Variants in CRACR2A observed in about 807,000 individuals in gnomAD.
CRACR2A encodes the protein calcium release activated channel regulator 2A.
A neutral mutation model predicts 90.5 loss-of-function variants in CRACR2A; 79 were observed. That is an observed-to-expected ratio of 0.87 (90% CI 0.73 to 1.05). The LOEUF (loss-of-function observed/expected upper bound fraction) is 1.05, where lower values mean the gene tolerates loss of function less well. Among genes scored for constraint, CRACR2A ranks in the 50% least tolerant of loss-of-function variants. CRACR2A has a pLI of 0.00. For missense variants in CRACR2A, 823 were observed against 897.2 expected (o/e 0.92, Z 1.06); for synonymous variants, 338 against 356.7 (o/e 0.95, Z 0.59).
In CRACR2A at chr12:3,680,271, A is replaced by G. The variant is rs1479948958; in HGVS notation, c.307T>C (p.Tyr103His). The G allele has an allele frequency of 6.2e-7, 1 of 1,614,210 alleles. No homozygotes were observed. Among genetic ancestry groups the G allele is most frequent in the South Asian group, 1.1e-5 (1 of 91,086 alleles). Reference sequence around the variant, plus strand: ...GTAGTGAACTCCTGTGGGGTCAGATAGCCATTGCCATCAGCATCCAGGGCA... The same window carrying G: ...GTAGTGAACTCCTGTGGGGTCAGATGGCCATTGCCATCAGCATCCAGGGCA... ...FDALDADGNGYLTPQEFTTGF... is the reference protein window; with the variant it reads ...FDALDADGNGHLTPQEFTTGF... Residue 103 changes from tyrosine (Y) to histidine (H), a missense_variant, in exon 5 of 20, where the codon TAT becomes CAT. Tyr to His is a moderately conservative substitution (Grantham distance 83). Coordinates refer to ENST00000440314, the MANE Select transcript of CRACR2A (RefSeq NM_001144958.2).
At chr12:3,717,682 CATT>C (rs1478586297) in intron 2 of CRACR2A, among the ~76,000 whole-genome samples, 1 of 152,226 alleles carries the variant, frequency 6.6e-6, no homozygotes, top group East Asian at 1.9e-4. Context: ...AATACACCTA[CATT>C]ATTATACGGC....
intron 2 of CRACR2A, among the ~76,000 whole-genome samples, chr12:3,713,837 G>A (rs956045312): frequency 6.6e-6 from 1 of 152,206 alleles, no homozygotes; most frequent in African/African-American, 2.4e-5. Context: ...CGATGGAGGA[G>A]GGACAGGCTT....
At chr12:3,713,561 T>C (rs997057078) in intron 2 of CRACR2A, among the ~76,000 whole-genome samples, 2 of 152,182 alleles carry the variant, frequency 1.3e-5, no homozygotes, top group Non-Finnish European at 2.9e-5. Context: ...TCCAGCCTGA[T>C]GGGAGCAGGC....
At chr12:3,621,255 G>A (rs147109144) in intron 17 of CRACR2A, among the ~76,000 whole-genome samples, 285 of 152,188 alleles carry the variant, frequency 1.9e-3, no homozygotes, top group African/African-American at 6.5e-3. Flanking sequence ...CTGTTTCCTC[G>A]CTTGCAGAGG....
intron 14 of CRACR2A, among the ~76,000 whole-genome samples, chr12:3,635,300 G>A (rs914193822): frequency 3.3e-5 from 5 of 152,184 alleles, no homozygotes; most frequent in East Asian, 1.9e-4. Flanking sequence ...GGATTGCGGG[G>A]AGGGGGCTGG....
chr12:3,710,513 G>A (rs1445349752), intron 3 of CRACR2A, among the ~76,000 whole-genome samples: 2 of 152,122 alleles, frequency 1.3e-5, no homozygotes, highest in Non-Finnish European at 2.9e-5. Flanking sequence ...ATGGGAAGTT[G>A]GCCGGGCGCA....
chr12:3,678,413 T>A (rs199870918), intron 6 of CRACR2A, among the ~76,000 whole-genome samples: 2 of 152,188 alleles, frequency 1.3e-5, no homozygotes, highest in Non-Finnish European at 2.9e-5. Flanking sequence ...CGTGTGCAAA[T>A]GCTTCCACAT....
chr12:3,724,058 T>A (rs1946224449), intron 2 of CRACR2A, among the ~76,000 whole-genome samples: 1 of 152,152 alleles, frequency 6.6e-6, no homozygotes, highest in African/African-American at 2.4e-5. Flanking sequence ...CCCATCTGTT[T>A]CCTCCTGTCT....
intron 2 of CRACR2A, chr12:3,727,913 C>G (rs1946297330): frequency 6.6e-6 from 1 of 152,174 alleles, no homozygotes; most frequent in African/African-American, 2.4e-5. Context: ...GAATACTGAT[C>G]AAGTGTAACC....
At chr12:3,640,475 A>G in intron 13 of CRACR2A, 1 of 1,166,524 alleles carries the variant, frequency 8.6e-7, no homozygotes, top group Non-Finnish European at 1.1e-6. Flanking sequence ...ACTCAAAAGA[A>G]TGTCTGGTAC....
At chr12:3,641,879 CT>C (rs1944579020) in intron 12 of CRACR2A, 41 bp from the exon 13 acceptor site, 2 of 1,534,838 alleles carry the variant, frequency 1.3e-6, no homozygotes, top group South Asian at 1.2e-5. Flanking sequence ...TGCCTATTTG[CT>C]CCGATGTTTG....
chr12:3,723,727 T>C (rs1039510840), intron 2 of CRACR2A, among the ~76,000 whole-genome samples: 14 of 152,112 alleles, frequency 9.2e-5, no homozygotes, highest in African/African-American at 3.4e-4. Context: ...GGCAGGAGGA[T>C]GCCTGGAATG....
intron 2 of CRACR2A, among the ~76,000 whole-genome samples, chr12:3,720,384 GGGGA>G (rs1331487166): frequency 9.7e-5 from 11 of 113,258 alleles, no homozygotes; most frequent in Non-Finnish European, 1.4e-4. Context: ...ACGAAGGAAG[GGGGA>G]GGGGGGGAGG....
At chr12:3,656,249 A>G in intron 9 of CRACR2A, 62 bp downstream of exon 9, 1 of 1,520,854 alleles carries the variant, frequency 6.6e-7, no homozygotes, top group Non-Finnish European at 9.1e-7. Flanking sequence ...AAAGTGGGCA[A>G]GAGGCAGAGA....
chr12:3,659,704 G>A, intron 7 of CRACR2A, 50 bp from the exon 8 acceptor site: 1 of 1,469,162 alleles, frequency 6.8e-7, no homozygotes, highest in Non-Finnish European at 9.5e-7. Flanking sequence ...CTACTCCACA[G>A]CGGTAGCTCC....
intron 10 of CRACR2A, among the ~76,000 whole-genome samples, chr12:3,649,239 G>GATAAATAA (rs367646184): frequency 0.19 from 28,750 of 148,938 alleles, 3,313 homozygotes; most frequent in Admixed American, 0.33. Context: ...ACAATAATAA[G>GATAAATAA]ATAAATAAAT....
chr12:3,710,849 T>C (rs1945998269), intron 3 of CRACR2A, among the ~76,000 whole-genome samples: 1 of 151,868 alleles, frequency 6.6e-6, no homozygotes, highest in African/African-American at 2.4e-5. Context: ...CTAGGTCCTC[T>C]TTTATTAGGG....
intron 6 of CRACR2A, among the ~76,000 whole-genome samples, chr12:3,676,830 C>T (rs1466533164): frequency 6.6e-6 from 1 of 152,162 alleles, no homozygotes; most frequent in Non-Finnish European, 1.5e-5. Flanking sequence ...CTTGCCAGCC[C>T]AGGTCTGTCT....
At chr12:3,632,649 C>A (rs1944394891) in intron 15 of CRACR2A, among the ~76,000 whole-genome samples, 1 of 152,160 alleles carries the variant, frequency 6.6e-6, no homozygotes, top group Admixed American at 6.5e-5. Context: ...CAGCACCAAC[C>A]AACTGAAGGG....
Sources: allele counts gnomAD v4.1 joint callset (sites outside exome capture counted in the v4.1 genomes callset), GRCh38; gene constraint gnomAD v4.1.1; transcripts MANE v1.5; gene names NCBI Gene and HGNC (gene_info 2026-07-23, HGNC 2026-07-21).